The following GALNTL6 variants were observed in gnomAD, a reference collection of about 807,000 sequenced individuals.
The protein encoded by GALNTL6 is polypeptide N-acetylgalactosaminyltransferase like 6, also known as polypeptide N-acetylgalactosaminyltransferase-like 6.
GALNTL6 carries 46 observed loss-of-function variants against 73.7 expected under a neutral mutation model. The observed-to-expected ratio is 0.62, with a 90% confidence interval of 0.49 to 0.80. The LOEUF (loss-of-function observed/expected upper bound fraction) is 0.80. Among genes scored for constraint, GALNTL6 ranks in the 30% least tolerant of loss-of-function variants. The pLI is 0.00. For missense variants in GALNTL6, 604 were observed against 755.0 expected (o/e 0.80, Z 2.34); for synonymous variants, 259 against 263.7 (o/e 0.98, Z 0.17).
chr4:172,377,973 A>G lies in GALNTL6; in HGVS notation c.553+29284A>G, dbSNP rs549918898. On this transcript the variant is annotated intron_variant, in intron 5 of 12. Transcript: ENST00000506823. ...AGCTGGCTCTGGCCTCGGCCAGCCC[A>G]GAGAGGGGCTTCCACAGTGCAGCGG... Among the ~76,000 whole-genome samples, 17 of 150,112 alleles carry G rather than the reference A, an allele frequency of 1.1e-4. No individual in the cohort carries two copies. The East Asian group carries it at 3.4e-3, about 30-fold the overall frequency.
intron 5 of GALNTL6, among the ~76,000 whole-genome samples, chr4:172,574,985 C>G (rs1198620335): frequency 6.6e-6 from 1 of 151,938 alleles, no homozygotes; most frequent in Admixed American, 6.6e-5. Context: ...GTCTCCTGTG[C>G]TCTCCAATTA....
chr4:172,547,996 A>G (rs1341424400), intron 5 of GALNTL6, among the ~76,000 whole-genome samples: 2 of 152,172 alleles, frequency 1.3e-5, no homozygotes, highest in African/African-American at 4.8e-5. Flanking sequence ...TGCCATGGAA[A>G]CTATGACTTT....
chr4:172,638,834 A>G (rs1336250133), intron 5 of GALNTL6, among the ~76,000 whole-genome samples: 4 of 152,120 alleles, frequency 2.6e-5, no homozygotes, highest in East Asian at 3.9e-4. Flanking sequence ...CTAATTTGGG[A>G]CAGTTCTTCA....
At chr4:172,856,825 T>C (rs971671136) in intron 7 of GALNTL6, among the ~76,000 whole-genome samples, 6 of 152,238 alleles carry the variant, frequency 3.9e-5, no homozygotes, top group African/African-American at 1.4e-4. Context: ...AAAATGTCAC[T>C]GTGCCTCTGG....
At chr4:172,967,866 G>A (rs1317094559) in intron 10 of GALNTL6, among the ~76,000 whole-genome samples, 12 of 152,132 alleles carry the variant, frequency 7.9e-5, no homozygotes, top group South Asian at 4.2e-4. Flanking sequence ...CAAGAATAAC[G>A]GGGGACTACT....
At chr4:172,246,588 C>T (rs1271039378) in intron 3 of GALNTL6, among the ~76,000 whole-genome samples, 2 of 151,814 alleles carry the variant, frequency 1.3e-5, no homozygotes, top group African/African-American at 2.4e-5. Context: ...CAGAGGCATT[C>T]AATGCATTAT....
intron 11 of GALNTL6, among the ~76,000 whole-genome samples, chr4:173,010,145 C>T (rs1752481549): frequency 6.6e-6 from 1 of 152,112 alleles, no homozygotes; most frequent in Non-Finnish European, 1.5e-5. Flanking sequence ...CCTCCCACTC[C>T]CCACCTCACA....
In GALNTL6 at chr4:172,835,738, A is replaced by G. The variant is rs76950294; in HGVS notation, c.923+22015A>G. Among the ~76,000 whole-genome samples, 896 of 152,322 alleles carry G rather than the reference A, an allele frequency of 5.9e-3. 12 individuals carry two copies. Among genetic ancestry groups the G allele is most frequent in the African/African-American group, 0.016 (674 of 41,568 alleles). ...CATGTGGATACCAAGAGACAAAATC[A>G]TGGCTGTGGTTCCAGAAATGGAAAA... On this transcript the variant is annotated intron_variant, in intron 7 of 12. Transcript: ENST00000506823.
chr4:172,804,374 T>C (rs1380953422), intron 5 of GALNTL6, among the ~76,000 whole-genome samples: 1 of 152,228 alleles, frequency 6.6e-6, no homozygotes, highest in Admixed American at 6.5e-5. Flanking sequence ...CTACATGATC[T>C]TATGGCAATC....
intron 5 of GALNTL6, among the ~76,000 whole-genome samples, chr4:172,792,322 T>A (rs2110933315): frequency 9.6e-6 from 1 of 104,564 alleles, no homozygotes; most frequent in African/African-American, 3.6e-5. Context: ...CACACATATA[T>A]ATGCATATAT....
chr4:172,766,281 C>T (rs1020789464), intron 5 of GALNTL6, among the ~76,000 whole-genome samples: 5 of 152,138 alleles, frequency 3.3e-5, no homozygotes, highest in African/African-American at 1.2e-4. Context: ...AGTACTCATT[C>T]CCAGGTGAAA....
intron 2 of GALNTL6, among the ~76,000 whole-genome samples, chr4:171,955,424 C>T (rs1012610071): frequency 4.0e-5 from 6 of 151,684 alleles, no homozygotes; most frequent in South Asian, 4.1e-4. Flanking sequence ...AGTTGACCCC[C>T]GATATTCATG....
chr4:172,089,661 AGTTTC>A (rs1453644465), intron 2 of GALNTL6, among the ~76,000 whole-genome samples: 2 of 152,050 alleles, frequency 1.3e-5, no homozygotes, highest in Admixed American at 6.6e-5. Context: ...AGTGCACTAT[AGTTTC>A]TTTTCTTAGG....
chr4:171,863,876 G>A (rs1298453541), intron 2 of GALNTL6, among the ~76,000 whole-genome samples: 1 of 151,874 alleles, frequency 6.6e-6, no homozygotes, highest in Non-Finnish European at 1.5e-5. Context: ...TCCTGCCTCA[G>A]CCCCCAAAGT....
At chr4:172,201,252 G>A (rs189411780) in intron 2 of GALNTL6, among the ~76,000 whole-genome samples, 401 of 151,932 alleles carry the variant, frequency 2.6e-3, no homozygotes, top group Admixed American at 4.2e-3. Context: ...CTGTCCCCAG[G>A]CTGGAGTTCA....
chr4:172,016,983 C>T (rs1741216976), intron 2 of GALNTL6, among the ~76,000 whole-genome samples: 1 of 152,056 alleles, frequency 6.6e-6, no homozygotes, highest in Non-Finnish European at 1.5e-5. Flanking sequence ...ATCTCGTTCT[C>T]TCAGAGTGTA....
chr4:171,843,010 A>G (rs183383874), intron 2 of GALNTL6, among the ~76,000 whole-genome samples: 6 of 152,276 alleles, frequency 3.9e-5, no homozygotes, highest in Admixed American at 6.5e-5. Flanking sequence ...GATTGGTAAC[A>G]ACATCCTAGT....
chr4:172,149,517 A>G (rs972884765), intron 2 of GALNTL6, among the ~76,000 whole-genome samples: 6 of 152,028 alleles, frequency 3.9e-5, no homozygotes, highest in Non-Finnish European at 7.4e-5. Flanking sequence ...CCACTCCAGT[A>G]TGCCATTTCA....
intron 2 of GALNTL6, among the ~76,000 whole-genome samples, chr4:171,912,205 A>T (rs1417829421): frequency 6.6e-6 from 1 of 152,196 alleles, no homozygotes; most frequent in African/African-American, 2.4e-5. Flanking sequence ...ATATTTATAG[A>T]CTGTGGTTCT....
Sources: gnomAD v4.1 joint callset for allele counts (sites outside exome capture counted in the v4.1 genomes callset) on GRCh38, gnomAD v4.1.1 for gene constraint, MANE v1.5 for transcripts, NCBI Gene and HGNC (gene_info 2026-07-23, HGNC 2026-07-21) for gene names.